Variants in LACTB2 observed in about 807,000 individuals in gnomAD.
LACTB2 encodes the protein endoribonuclease LACTB2.
LACTB2 carries 32 observed loss-of-function variants against 34.8 expected under a neutral mutation model. That is an observed-to-expected ratio of 0.92 (90% confidence interval 0.69 to 1.24). The LOEUF (loss-of-function observed/expected upper bound fraction) is 1.24, where lower values mean the gene tolerates loss of function less well. Ranked by LOEUF, LACTB2 falls within the 50% of genes most tolerant of loss-of-function variation. The pLI, the probability that LACTB2 is intolerant of heterozygous loss-of-function variation, is 0.00. For missense variants in LACTB2, 320 were observed against 345.0 expected (o/e 0.93, Z 0.57); for synonymous variants, 120 against 117.5 (o/e 1.02, Z -0.14).
chr8:70,664,479 G>A (rs1468321320), intron 1 of LACTB2, among the ~76,000 whole-genome samples: 1 of 152,144 alleles, frequency 6.6e-6, no homozygotes, highest in Non-Finnish European at 1.5e-5. Flanking sequence ...CCATACGACT[G>A]TGGTAGTGGA....
intron 2 of LACTB2, among the ~76,000 whole-genome samples, chr8:70,658,868 T>A (rs1285584393): frequency 6.6e-6 from 1 of 151,888 alleles, no homozygotes; most frequent in Admixed American, 6.6e-5. Flanking sequence ...CTACTAAACA[T>A]ACAAAAAAAT....
intron 6 of LACTB2, 111 bp downstream of exon 6, chr8:70,638,437 G>A (rs1423433514): frequency 8.5e-7 from 1 of 1,174,944 alleles, no homozygotes; most frequent in African/African-American, 1.7e-5. Flanking sequence ...AACTTAAAGT[G>A]ATATTCATGG....
At chr8:70,639,760 C>T (rs964408536) in intron 5 of LACTB2, among the ~76,000 whole-genome samples, 2 of 151,486 alleles carry the variant, frequency 1.3e-5, no homozygotes, top group East Asian at 2.0e-4. Flanking sequence ...GTCGGGAGTT[C>T]GAGACCAGTC....
At chr8:70,641,655 AT>A (rs1377017434) in intron 4 of LACTB2, among the ~76,000 whole-genome samples, 2 of 152,226 alleles carry the variant, frequency 1.3e-5, no homozygotes, top group Non-Finnish European at 2.9e-5. Flanking sequence ...TCTATTAAAA[AT>A]TCACAAGACC....
At chr8:70,652,090 AG>A (rs970141244) in intron 3 of LACTB2, among the ~76,000 whole-genome samples, 1 of 152,128 alleles carries the variant, frequency 6.6e-6, no homozygotes, top group African/African-American at 2.4e-5. Flanking sequence ...TTTTACTGCA[AG>A]GGTTCTTGGT....
intron 3 of LACTB2, among the ~76,000 whole-genome samples, chr8:70,645,539 C>G (rs1818253462): frequency 6.6e-6 from 1 of 151,574 alleles, no homozygotes; most frequent in African/African-American, 2.4e-5. Context: ...TACATGTGCA[C>G]AACGTGCAGG....
At position 70,669,091 on chromosome 8, in the gene LACTB2, C is replaced by G; in HGVS notation, c.30G>C (p.Arg10=). The change falls in exon 1 of 7, where the codon CGG becomes CGC. Residue 10 remains arginine, a synonymous_variant. Coordinates refer to ENST00000276590, the MANE Select transcript of LACTB2 (RefSeq NM_016027.3). The part of the protein sequence containing the change: MAAVLQRVE[R]LSNRVVRVLG... Reference sequence around the variant, plus strand: ...ACACACGCACGACTCGATTGGACAGCCGCTCGACGCGCTGCAGTACAGCAG... The same window carrying G: ...ACACACGCACGACTCGATTGGACAGGCGCTCGACGCGCTGCAGTACAGCAG... 2 of 1,612,046 alleles carry G rather than the reference C, an allele frequency of 1.2e-6. No homozygotes were observed. Among genetic ancestry groups the G allele is most frequent in the Non-Finnish European group, 1.7e-6 (2 of 1,179,360 alleles).
chr8:70,639,456 G>C (rs1439730104), intron 5 of LACTB2, among the ~76,000 whole-genome samples: 1 of 151,994 alleles, frequency 6.6e-6, no homozygotes, highest in Non-Finnish European at 1.5e-5. Flanking sequence ...CACCATGCCC[G>C]GCCTGGCAGC....
chr8:70,656,418 C>G (rs547276945), intron 3 of LACTB2, among the ~76,000 whole-genome samples: 60 of 152,240 alleles, frequency 3.9e-4, no homozygotes, highest in African/African-American at 1.4e-3. Flanking sequence ...AATTATCCCG[C>G]CACCATTTAT....
chr8:70,645,397 T>C (rs975831801), intron 3 of LACTB2, among the ~76,000 whole-genome samples: 2 of 152,222 alleles, frequency 1.3e-5, no homozygotes, highest in Admixed American at 1.3e-4. Context: ...GGCACAAAAT[T>C]GCATGCTTAA....
chr8:70,666,031 C>G (rs1305074836), intron 1 of LACTB2, among the ~76,000 whole-genome samples: 2 of 152,102 alleles, frequency 1.3e-5, no homozygotes, highest in Non-Finnish European at 2.9e-5. Context: ...ATGGGCTGAT[C>G]AGATGAGGAA....
At chr8:70,657,709 A>G in intron 3 of LACTB2, 47 bp downstream of exon 3, 2 of 1,547,518 alleles carry the variant, frequency 1.3e-6, no homozygotes, top group Non-Finnish European at 1.7e-6. Context: ...TCTATAACAC[A>G]CATACACAGA....
At chr8:70,658,326 T>C (rs998232092) in intron 2 of LACTB2, among the ~76,000 whole-genome samples, 9 of 152,164 alleles carry the variant, frequency 5.9e-5, no homozygotes. Flanking sequence ...CTACAAGTAC[T>C]GAAATGAAGC....
At position 70,644,860 on chromosome 8, in the gene LACTB2, G is replaced by T. The variant is rs1818242274; in HGVS notation, c.414-617C>A. ...AAATAGAAAAGTAAAGTGTTTAAAA[G>T]AAATGAACATCAACAATCATTTCTA... On this transcript the variant is annotated intron_variant, in intron 3 of 6. Transcript: ENST00000276590. Among the ~76,000 whole-genome samples the T allele has an allele frequency of 2.6e-5, 4 of 152,168 alleles. No individual in the cohort carries two copies. The South Asian group carries it at 8.3e-4, about 32-fold the overall frequency.
chr8:70,657,953 T>G (rs968408779), intron 2 of LACTB2, 71 bp from the exon 3 acceptor site: 4 of 993,660 alleles, frequency 4.0e-6, no homozygotes, highest in Non-Finnish European at 5.7e-6. Flanking sequence ...TCAACTTTCA[T>G]AGAGCTAACA....
intron 3 of LACTB2, 71 bp downstream of exon 3, chr8:70,657,685 T>C: frequency 7.3e-7 from 1 of 1,375,512 alleles, no homozygotes. Flanking sequence ...AATGCTGGGA[T>C]CCTTCCATCC....
chr8:70,640,758 T>C (rs1346935974), intron 5 of LACTB2, 144 bp downstream of exon 5: 11 of 979,522 alleles, frequency 1.1e-5, no homozygotes, highest in African/African-American at 1.7e-5. Flanking sequence ...TTTAGCACTG[T>C]AGAAAGTTTA....
chr8:70,652,336 T>C (rs771225071), intron 3 of LACTB2, among the ~76,000 whole-genome samples: 2 of 152,240 alleles, frequency 1.3e-5, no homozygotes, highest in Non-Finnish European at 2.9e-5. Flanking sequence ...TACATGTTAA[T>C]ATTGAAAACA....
intron 1 of LACTB2, 77 bp downstream of exon 1, chr8:70,668,922 C>T: frequency 6.5e-7 from 1 of 1,534,068 alleles, no homozygotes; most frequent in Admixed American, 2.0e-5. Flanking sequence ...CTCCACTGCC[C>T]GCGCAGCCGC....
Sources: allele counts gnomAD v4.1 joint callset (sites outside exome capture counted in the v4.1 genomes callset), GRCh38; gene constraint gnomAD v4.1.1; transcripts MANE v1.5; gene names NCBI Gene and HGNC (gene_info 2026-07-23, HGNC 2026-07-21).